Variants in PDE7A observed in about 807,000 individuals in gnomAD.
The protein encoded by PDE7A is high affinity 3',5'-cyclic-AMP phosphodiesterase 7A.
A neutral mutation model predicts 64.3 loss-of-function variants in PDE7A; 39 were observed. The observed-to-expected ratio is 0.61, with a 90% CI of 0.47 to 0.79. The LOEUF is 0.79. PDE7A is among the 30% of genes least tolerant of loss of function. The pLI, the probability that PDE7A is intolerant of heterozygous loss-of-function variation, is 0.00. For synonymous variants in PDE7A, 203 were observed against 206.8 expected (o/e 0.98, Z 0.16); for missense variants, 470 against 582.8 (o/e 0.81, Z 1.99).
At chr8:65,789,618 T>A (rs1809646330) in intron 1 of PDE7A, among the ~76,000 whole-genome samples, 1 of 152,242 alleles carries the variant, frequency 6.6e-6, no homozygotes, top group African/African-American at 2.4e-5. Context: ...ACATATTATT[T>A]TCAAGCACTA....
At chr8:65,821,452 A>AT (rs1810540066) in intron 1 of PDE7A, among the ~76,000 whole-genome samples, 1 of 152,222 alleles carries the variant, frequency 6.6e-6, no homozygotes, top group South Asian at 2.1e-4. Context: ...ATCCTCTCAT[A>AT]TTTGAAACTA....
intron 7 of PDE7A, among the ~76,000 whole-genome samples, chr8:65,733,582 T>C (rs530595560): frequency 6.6e-6 from 1 of 152,010 alleles, no homozygotes; most frequent in South Asian, 2.1e-4. Flanking sequence ...ATCACGCCAC[T>C]GCACTCCAGC....
At chr8:65,724,741 A>T (rs1806538425) in intron 10 of PDE7A, 36 bp downstream of exon 10, 2 of 1,546,328 alleles carry the variant, frequency 1.3e-6, no homozygotes, top group Admixed American at 1.9e-5. Flanking sequence ...CACATAATTT[A>T]TCCTAGAAAT....
intron 12 of PDE7A, among the ~76,000 whole-genome samples, chr8:65,720,076 T>C (rs1302504917): frequency 6.6e-6 from 1 of 152,154 alleles, no homozygotes; most frequent in Non-Finnish European, 1.5e-5. Flanking sequence ...AGTGAAAAAA[T>C]CATTAAAGTG....
Position 65,719,334 on chromosome 8 carries a change from C to T in PDE7A, c.1405G>A (p.Glu469Lys), listed in dbSNP as rs771191171. 2.5e-6 allele frequency: 4 copies of T among 1,614,006 alleles called. No individual in the cohort carries two copies. The highest frequency in any genetic ancestry group is 2.5e-6 in the Non-Finnish European group (3 of 1,179,994). Residue 469 changes from glutamate (E) to lysine (K), a missense_variant, in exon 13 of 13, where the codon GAG (glutamate) becomes AAG (lysine). By Grantham distance (56) the Glu-to-Lys change is moderately conservative. Coordinates refer to ENST00000401827, the MANE Select transcript of PDE7A (RefSeq NM_001242318.3). Reference sequence around the variant, plus strand: ...TGAGGTAATAACTGTGAGTTCAACTCAAATGCAGCATCAGTGTCCTCACTG... The same window carrying T: ...TGAGGTAATAACTGTGAGTTCAACTTAAATGCAGCATCAGTGTCCTCACTG... ...SSSEDTDAAF[E>K]LNSQLLPQEN...
Position 65,724,329 on chromosome 8 carries a change from A to G in PDE7A, c.1088T>C (p.Ile363Thr). 6.2e-7 allele frequency: 1 copy of G among 1,612,412 alleles called. No homozygotes were observed. The highest frequency in any genetic ancestry group is 8.5e-7 in the Non-Finnish European group (1 of 1,178,744). Residue 363 changes from isoleucine to threonine, a missense_variant, in exon 11 of 13, where the codon ATT (isoleucine) becomes ACT (threonine). By Grantham distance (89) the Ile-to-Thr change is moderately conservative. Transcript: ENST00000401827. ...TTCCCACGTCCGACATGGGTTACAA[A>G]TATCAGCACATTTCAAAGCCATCTA... is the stretch of plus-strand genomic sequence containing the variant. Reference protein sequence around the residue: ...VLQMALKCADICNPCRTWELS... With the variant: ...VLQMALKCADTCNPCRTWELS...
intron 1 of PDE7A, among the ~76,000 whole-genome samples, chr8:65,792,447 C>G (rs192454502): frequency 1.3e-5 from 2 of 152,288 alleles, no homozygotes; most frequent in Non-Finnish European, 2.9e-5. Context: ...GGCTCTCTGC[C>G]ACTCACAGGA....
At chr8:65,781,228 G>A (rs1312657992) in intron 2 of PDE7A, among the ~76,000 whole-genome samples, 1 of 152,104 alleles carries the variant, frequency 6.6e-6, no homozygotes, top group East Asian at 1.9e-4. Flanking sequence ...GAGGCAGTGA[G>A]CCAGGGAGGA....
chr8:65,794,414 A>C (rs1809783585), intron 1 of PDE7A, among the ~76,000 whole-genome samples: 1 of 151,594 alleles, frequency 6.6e-6, no homozygotes, highest in South Asian at 2.1e-4. Flanking sequence ...AATGAGACCG[A>C]TTTGTAGGTG....
rs372095716 is a variant in PDE7A at position 65,821,526 on chromosome 8, TAA to T, written c.138+19843_138+19844del. ...CTTGATATTCCCCAACGATTAAACT[TAA>T]GTTTTGAAGAGGAAGAAATGTGTAT... is the stretch of plus-strand genomic sequence containing the variant. On this transcript the variant is annotated intron_variant, in intron 1 of 12. Coordinates refer to ENST00000401827, the MANE Select transcript of PDE7A (RefSeq NM_001242318.3). Among the ~76,000 whole-genome samples, 517 of 152,320 alleles carry T rather than the reference TAA, an allele frequency of 3.4e-3. 1 individual carries two copies. Among genetic ancestry groups the T allele is most frequent in the Non-Finnish European group, 5.5e-3 (375 of 68,018 alleles).
intron 1 of PDE7A, among the ~76,000 whole-genome samples, chr8:65,840,828 C>A (rs1811061878): frequency 6.6e-6 from 1 of 152,248 alleles, no homozygotes; most frequent in African/African-American, 2.4e-5. Context: ...ATACCCAGTA[C>A]AGCCCAGCCA....
At chr8:65,736,707 G>T (rs965727416) in intron 6 of PDE7A, among the ~76,000 whole-genome samples, 5 of 151,296 alleles carry the variant, frequency 3.3e-5, no homozygotes, top group African/African-American at 1.2e-4. Context: ...CCATGATCAC[G>T]CCACTGCACT....
At chr8:65,740,458 T>C (rs1453563227) in intron 5 of PDE7A, among the ~76,000 whole-genome samples, 2 of 152,110 alleles carry the variant, frequency 1.3e-5, no homozygotes, top group East Asian at 3.9e-4. Flanking sequence ...TGGAGTACAA[T>C]GGTGCGATCT....
At chr8:65,802,806 A>G (rs1167911557) in intron 1 of PDE7A, among the ~76,000 whole-genome samples, 1 of 152,176 alleles carries the variant, frequency 6.6e-6, no homozygotes, top group African/African-American at 2.4e-5. Context: ...GGAATCCCCA[A>G]TGTTGGAAGT....
At chr8:65,780,227 ATATT>A (rs1217034099) in intron 2 of PDE7A, among the ~76,000 whole-genome samples, 1 of 152,204 alleles carries the variant, frequency 6.6e-6, no homozygotes, top group East Asian at 1.9e-4. Flanking sequence ...AAGAAGCAAC[ATATT>A]TATTAAGAGC....
At chr8:65,719,609 A>C in intron 12 of PDE7A, 114 bp from the exon 13 acceptor site, 1 of 691,816 alleles carries the variant, frequency 1.4e-6, no homozygotes, top group Non-Finnish European at 2.5e-6. Context: ...CCCAGATCTT[A>C]TTCTTCAAAA....
Position 65,793,830 on chromosome 8 carries a change from T to C in PDE7A, c.139-10987A>G, listed in dbSNP as rs141043480. On this transcript the variant is annotated intron_variant, in intron 1 of 12. Transcript: ENST00000401827. ...TTTGGGAAATTACATAAGGCAGAAG[T>C]AGGACCAGGAGCACAAGTTTGTTAA... 3.6e-3 allele frequency among the ~76,000 whole-genome samples: 556 copies of C among 152,332 alleles called. 3 individuals are homozygous for C. The highest frequency in any genetic ancestry group is 0.013 in the African/African-American group (525 of 41,568).
At chr8:65,787,759 A>AT (rs777970373) in intron 1 of PDE7A, among the ~76,000 whole-genome samples, 2 of 151,556 alleles carry the variant, frequency 1.3e-5, no homozygotes, top group Non-Finnish European at 2.9e-5. Flanking sequence ...CCTGGGCAAC[A>AT]TAGTAAGACC....
At chr8:65,823,012 T>A (rs1277827951) in intron 1 of PDE7A, among the ~76,000 whole-genome samples, 5 of 152,104 alleles carry the variant, frequency 3.3e-5, no homozygotes, top group African/African-American at 7.2e-5. Flanking sequence ...ATCAAAAAAA[T>A]TAAAGTTAAA....
Sources: gnomAD v4.1 joint callset for allele counts (sites outside exome capture counted in the v4.1 genomes callset) on GRCh38, gnomAD v4.1.1 for gene constraint, MANE v1.5 for transcripts, NCBI Gene and HGNC (gene_info 2026-07-23, HGNC 2026-07-21) for gene names.